CNOT10: variants seen among roughly 807,000 people sequenced by gnomAD.
The protein encoded by CNOT10 is CCR4-NOT transcription complex, subunit 10.
A neutral mutation model predicts 94.6 loss-of-function variants in CNOT10; 30 were observed. The ratio of observed to expected loss-of-function variants is 0.32; its 90% CI spans 0.24 to 0.43. The LOEUF is 0.43. Among genes scored for constraint, CNOT10 ranks in the 20% least tolerant of loss-of-function variants. CNOT10 has a pLI of 1.00. For missense variants in CNOT10, 759 were observed against 877.2 expected (o/e 0.87, Z 1.70); for synonymous variants, 289 against 301.6 (o/e 0.96, Z 0.43).
intron 3 of CNOT10, among the ~76,000 whole-genome samples, chr3:32,708,189 C>T (rs1210102370): frequency 2.6e-5 from 4 of 152,140 alleles, no homozygotes; most frequent in South Asian, 2.1e-4. Context: ...TGAGCTGCCA[C>T]GCCCGGCCAG....
At chr3:32,729,249 G>A (rs557936450) in intron 10 of CNOT10, among the ~76,000 whole-genome samples, 11 of 152,294 alleles carry the variant, frequency 7.2e-5, no homozygotes, top group Middle Eastern at 3.4e-3. Context: ...GGTAGCTATG[G>A]GAATAGGCCA....
chr3:32,756,735 T>C (rs1700238957), intron 13 of CNOT10, among the ~76,000 whole-genome samples: 1 of 152,258 alleles, frequency 6.6e-6, no homozygotes, highest in African/African-American at 2.4e-5. Context: ...TGCTCTAGTC[T>C]GTGTAGGAAA....
chr3:32,728,433 C>G (rs1188818913), intron 10 of CNOT10, among the ~76,000 whole-genome samples: 1 of 151,002 alleles, frequency 6.6e-6, no homozygotes, highest in Non-Finnish European at 1.5e-5. Flanking sequence ...CCAGTCTGGA[C>G]AACATAGTGA....
In CNOT10 at chr3:32,689,326, C is replaced by G. The variant is rs1575195232; in HGVS notation, c.22+3844C>G. On this transcript the variant is annotated intron_variant, in intron 1 of 18. Transcript: ENST00000328834. ...CAAGATCGTGCCATTGCCCTCCAGC[C>G]TGGGCAACAAGAGCAAAACACCATC... Among the ~76,000 whole-genome samples the G allele has an allele frequency of 2.0e-5, 3 of 148,302 alleles. No homozygotes were observed. In the South Asian group the frequency reaches 6.3e-4, roughly 31 times the overall value.
At chr3:32,738,974 G>A (rs1012642709) in intron 13 of CNOT10, among the ~76,000 whole-genome samples, 1 of 148,392 alleles carries the variant, frequency 6.7e-6, no homozygotes, top group African/African-American at 2.5e-5. Flanking sequence ...GTATGATCTC[G>A]GCTCACTGCA....
chr3:32,764,789 G>C lies in CNOT10; in HGVS notation c.1984G>C (p.Ala662Pro). The C allele has an allele frequency of 6.2e-7, 1 of 1,614,178 alleles. No individual in the cohort carries two copies. The highest frequency in any genetic ancestry group is 8.5e-7 in the Non-Finnish European group (1 of 1,180,034). The change falls in exon 17 of 19, where the codon GCC (alanine) becomes CCC (proline). Residue 662 changes from alanine (A) to proline (P), a missense_variant. By Grantham distance (27) the Ala-to-Pro change is conservative. Coordinates refer to ENST00000328834, the MANE Select transcript of CNOT10 (RefSeq NM_015442.3). ...AYCLRSEYDK[A>P]RKCLHQAASM... ...CTGCCTGAGGAGCGAATATGACAAA[G>C]CCCGAAAGTGTCTCCACCAGGTGAG... is the stretch of plus-strand genomic sequence containing the variant.
At chr3:32,707,918 CTGTGT>C (rs1697700358) in intron 3 of CNOT10, among the ~76,000 whole-genome samples, 1 of 152,098 alleles carries the variant, frequency 6.6e-6, no homozygotes, top group South Asian at 2.1e-4. Flanking sequence ...CAGAGTCTCG[CTGTGT>C]TGTTCAGGCT....
intron 10 of CNOT10, among the ~76,000 whole-genome samples, chr3:32,729,349 T>C (rs2125569400): frequency 6.6e-6 from 1 of 152,284 alleles, no homozygotes; most frequent in African/African-American, 2.4e-5. Context: ...CAGTAGGAGA[T>C]AGGGGAAAGA....
At chr3:32,693,074 C>T (rs541340634) in intron 1 of CNOT10, among the ~76,000 whole-genome samples, 2 of 152,212 alleles carry the variant, frequency 1.3e-5, no homozygotes, top group Middle Eastern at 6.8e-3. Flanking sequence ...ATAGCTTTCC[C>T]ATATTGACTG....
At chr3:32,753,287 G>A (rs930535864) in intron 13 of CNOT10, 4 of 866,266 alleles carry the variant, frequency 4.6e-6, no homozygotes, top group Non-Finnish European at 7.9e-6. Context: ...AGCTCAGAAT[G>A]GCCCAGAATC....
At chr3:32,764,344 A>C (rs1700575922) in intron 15 of CNOT10, 111 bp from the exon 16 acceptor site, 2 of 1,187,586 alleles carry the variant, frequency 1.7e-6, no homozygotes, top group Admixed American at 4.5e-5. Context: ...CTCAAAAAAA[A>C]AAAAAAGAAA....
chr3:32,764,632 C>T (rs376678866), intron 16 of CNOT10, 50 bp from the exon 17 acceptor site: 1 of 1,608,014 alleles, frequency 6.2e-7, no homozygotes, highest in Non-Finnish European at 8.5e-7. Context: ...GGGTTGCTTC[C>T]TTGCTGTTGG....
At chr3:32,752,071 C>A (rs1699989394) in intron 13 of CNOT10, among the ~76,000 whole-genome samples, 1 of 151,694 alleles carries the variant, frequency 6.6e-6, no homozygotes, top group South Asian at 2.1e-4. Context: ...GGTGGATCAC[C>A]TGAGGTTGGG....
At chr3:32,764,967 A>G in intron 17 of CNOT10, 158 bp downstream of exon 17, 3 of 1,516,106 alleles carry the variant, frequency 2.0e-6, no homozygotes, top group Non-Finnish European at 2.6e-6. Flanking sequence ...GTAAACAACT[A>G]ATCAGCATTG....
At chr3:32,707,386 T>TA (rs1408000610) in intron 3 of CNOT10, among the ~76,000 whole-genome samples, 1 of 152,198 alleles carries the variant, frequency 6.6e-6, no homozygotes, top group African/African-American at 2.4e-5. Flanking sequence ...TTGAGTACTT[T>TA]AAAAAAATCT....
At chr3:32,702,064 C>G (rs1278139476) in intron 1 of CNOT10, among the ~76,000 whole-genome samples, 2 of 149,940 alleles carry the variant, frequency 1.3e-5, no homozygotes, top group Middle Eastern at 3.4e-3. Context: ...TCCCAAAATG[C>G]TGGGATTACG....
chr3:32,718,468 C>G (rs1698225279), intron 7 of CNOT10, among the ~76,000 whole-genome samples: 1 of 148,666 alleles, frequency 6.7e-6, no homozygotes, highest in Non-Finnish European at 1.5e-5. Flanking sequence ...CCTGTAGTCC[C>G]AGCTACTCGG....
chr3:32,731,288 T>G (rs2125573971), intron 10 of CNOT10, among the ~76,000 whole-genome samples: 1 of 152,328 alleles, frequency 6.6e-6, no homozygotes, highest in Admixed American at 6.5e-5. Flanking sequence ...CTATAATAAG[T>G]TACATTCAGG....
chr3:32,687,443 T>TTTTTTTGG (rs1696658594), intron 1 of CNOT10, among the ~76,000 whole-genome samples: 1 of 60,358 alleles, frequency 1.7e-5, no homozygotes, highest in Non-Finnish European at 3.0e-5. Context: ...CTCACGGTTT[T>TTTTTTTGG]TTTTTTTTGT....
Sources: allele counts gnomAD v4.1 joint callset (sites outside exome capture counted in the v4.1 genomes callset), GRCh38; gene constraint gnomAD v4.1.1; transcripts MANE v1.5; gene names NCBI Gene and HGNC (gene_info 2026-07-23, HGNC 2026-07-21).